The following ANKRD6 variants were observed in gnomAD, a reference collection of about 807,000 sequenced individuals.
ANKRD6 encodes ankyrin repeat domain 6, also known as ankyrin repeat domain-containing protein 6.
Under a neutral mutation model 82.3 loss-of-function variants are expected in ANKRD6, and 56 were observed. The observed-to-expected ratio is 0.68, with a 90% CI of 0.55 to 0.85. The LOEUF (loss-of-function observed/expected upper bound fraction) is 0.85. ANKRD6 is among the 40% of genes least tolerant of loss of function. The pLI is 0.00. For synonymous variants in ANKRD6, 347 were observed against 352.1 expected (o/e 0.99, Z 0.16); for missense variants, 852 against 907.6 (o/e 0.94, Z 0.79).
rs1240889395 is a variant in ANKRD6 at position 89,632,890 on chromosome 6, A to G, written c.*1886A>G. 6.6e-6 allele frequency: 1 copy of G among 152,248 alleles called. No homozygotes were observed. The highest frequency in any genetic ancestry group is 6.5e-5 in the Admixed American group (1 of 15,290). The allele number at this position is 152,248 out of a possible 1,614,324, so 9.4% of individuals were successfully genotyped here. A position where few individuals can be genotyped will look rare whatever the true frequency, so the allele number is the denominator to read the frequency against. On this transcript the variant is annotated 3_prime_UTR_variant, in exon 16 of 16. Coordinates refer to ENST00000339746, the MANE Select transcript of ANKRD6 (RefSeq NM_001242809.2). ...TTTATTGAGAACTGCCTAATACTCA[A>G]GAAATTAAATCCTGAGTTCAGTAGG...
chr6:89,520,766 A>G (rs1781794072), intron 1 of ANKRD6, among the ~76,000 whole-genome samples: 1 of 152,258 alleles, frequency 6.6e-6, no homozygotes. Context: ...GTCCTAGCAC[A>G]GAACAGTAGG....
rs183829007 is a variant in ANKRD6 at position 89,438,409 on chromosome 6, C to G, written c.-144+5034C>G. 3.9e-5 allele frequency among the ~76,000 whole-genome samples: 6 copies of G among 152,244 alleles called. 1 individual carries two copies. The East Asian group carries it at 1.2e-3, about 29-fold the overall frequency. ...AAACCGTGTTGACTGCCTTCACCAG[C>G]AAGGGAAACACATCACTTCTGCTTA... is the stretch of plus-strand genomic sequence containing the variant. On this transcript the variant is annotated intron_variant, in intron 1 of 15. Transcript: ENST00000339746.
chr6:89,483,369 G>A (rs1236369592), intron 1 of ANKRD6: 3 of 152,710 alleles, frequency 2.0e-5, no homozygotes, highest in African/African-American at 7.2e-5. Context: ...ACAGCTGCTG[G>A]GGTGGAGAAT....
At chr6:89,592,492 T>G (rs1795097662) in intron 2 of ANKRD6, among the ~76,000 whole-genome samples, 1 of 152,224 alleles carries the variant, frequency 6.6e-6, no homozygotes, top group African/African-American at 2.4e-5. Context: ...TAAGCTCTGA[T>G]ACCTCTGGCC....
chr6:89,562,967 T>G (rs1787684437), intron 1 of ANKRD6: 1 of 152,144 alleles, frequency 6.6e-6, no homozygotes, highest in Non-Finnish European at 1.5e-5. Flanking sequence ...CTGATGGCGC[T>G]CCATAGCCAC....
intron 1 of ANKRD6, among the ~76,000 whole-genome samples, chr6:89,559,305 C>T (rs1233406588): frequency 6.6e-6 from 1 of 152,164 alleles, no homozygotes; most frequent in Non-Finnish European, 1.5e-5. Flanking sequence ...GTTTCCTCTG[C>T]CTGTGTCTTC....
intron 9 of ANKRD6, chr6:89,621,082 A>G (rs1361185765): frequency 6.6e-6 from 1 of 152,000 alleles, no homozygotes; most frequent in Non-Finnish European, 1.5e-5. Context: ...AAAAAATAAT[A>G]ATAAAAAAAT....
chr6:89,568,260 T>C (rs1788999263), intron 2 of ANKRD6: 2 of 152,240 alleles, frequency 1.3e-5, no homozygotes, highest in Admixed American at 1.3e-4. Context: ...TTAACTCTGC[T>C]TTGTTTGCTA....
chr6:89,505,835 C>T (rs79455024), intron 1 of ANKRD6, among the ~76,000 whole-genome samples: 103 of 152,316 alleles, frequency 6.8e-4, no homozygotes, highest in Non-Finnish European at 1.2e-3. Context: ...GTGGAAATAA[C>T]CTGTGTCCAC....
intron 1 of ANKRD6, among the ~76,000 whole-genome samples, chr6:89,517,917 C>G (rs1287038881): frequency 6.6e-6 from 1 of 152,172 alleles, no homozygotes; most frequent in African/African-American, 2.4e-5. Context: ...TTTGGATATA[C>G]ACTTCTCTGC....
intron 1 of ANKRD6, among the ~76,000 whole-genome samples, chr6:89,555,941 G>T (rs1015473538): frequency 6.6e-6 from 1 of 152,258 alleles, no homozygotes; most frequent in East Asian, 1.9e-4. Context: ...GGCAGGGAGA[G>T]TAACGTGGCA....
rs183750008 is a variant in ANKRD6, at chr6:89,597,955, C to T, written c.219+1941C>T. 7.5e-4 allele frequency: 203 copies of T among 269,422 alleles called. 2 individuals carry two copies. The Admixed American group carries it at 0.013, about 17-fold the overall frequency. The allele number at this position is 269,422 out of a possible 1,614,324, so 16.7% of individuals were successfully genotyped here. ...ACATGCAAGAAATCAAGGAAGAAAA[C>T]TCTTGATGTGTGTCCTTTAAAGAAT... On this transcript the variant is annotated intron_variant, in intron 3 of 15. Coordinates refer to ENST00000339746, the MANE Select transcript of ANKRD6 (RefSeq NM_001242809.2).
chr6:89,570,087 G>GTGTGTA (rs1379816804), intron 2 of ANKRD6, among the ~76,000 whole-genome samples: 2 of 151,432 alleles, frequency 1.3e-5, no homozygotes, highest in Admixed American at 6.6e-5. Flanking sequence ...GTGTGTGTGT[G>GTGTGTA]TATAATTTAT....
intron 4 of ANKRD6, 110 bp downstream of exon 4, chr6:89,603,237 C>A: frequency 2.5e-6 from 2 of 808,862 alleles, no homozygotes; most frequent in South Asian, 1.8e-5. Flanking sequence ...TATTATAATT[C>A]CTGTCTTACC....
chr6:89,465,314 T>C (rs2127778103), intron 1 of ANKRD6, among the ~76,000 whole-genome samples: 1 of 151,942 alleles, frequency 6.6e-6, no homozygotes, highest in South Asian at 2.1e-4. Flanking sequence ...AGAGATGGGG[T>C]TTCACCATGC....
intron 1 of ANKRD6, among the ~76,000 whole-genome samples, chr6:89,445,269 T>C (rs1196974244): frequency 6.5e-5 from 9 of 137,806 alleles, no homozygotes; most frequent in South Asian, 4.8e-4. Context: ...TCTTTCTTTT[T>C]TTTTTTTTTT....
intron 1 of ANKRD6, among the ~76,000 whole-genome samples, chr6:89,547,218 G>A (rs1785213710): frequency 1.3e-5 from 2 of 151,542 alleles, no homozygotes; most frequent in Non-Finnish European, 2.9e-5. Context: ...TTACATATGT[G>A]TTCTAGCAAT....
At chr6:89,518,371 C>T (rs183441421) in intron 1 of ANKRD6, among the ~76,000 whole-genome samples, 1 of 151,098 alleles carries the variant, frequency 6.6e-6, no homozygotes, top group Admixed American at 6.6e-5. Flanking sequence ...CATTGCACTC[C>T]ACCCTGGGCA....
At chr6:89,578,294 T>G (rs1583426478) in intron 2 of ANKRD6, among the ~76,000 whole-genome samples, 1 of 143,160 alleles carries the variant, frequency 7.0e-6, no homozygotes, top group East Asian at 2.0e-4. Flanking sequence ...TCCTTTTTTT[T>G]TTTTTTTTTT....
Sources: allele counts gnomAD v4.1 joint callset (sites outside exome capture counted in the v4.1 genomes callset), GRCh38; gene constraint gnomAD v4.1.1; transcripts MANE v1.5; gene names NCBI Gene and HGNC (gene_info 2026-07-23, HGNC 2026-07-21).